Variants in THEMIS observed in about 807,000 individuals in gnomAD.
The protein encoded by THEMIS is protein THEMIS.
THEMIS carries 37 observed loss-of-function variants against 52.6 expected under a neutral mutation model. That is an observed-to-expected ratio of 0.70 (90% CI 0.54 to 0.93). The LOEUF (loss-of-function observed/expected upper bound fraction) is 0.93. Among genes scored for constraint, THEMIS ranks in the 40% least tolerant of loss-of-function variants. THEMIS has a pLI of 0.00. For missense variants in THEMIS, 808 were observed against 763.1 expected (o/e 1.06, Z -0.69); for synonymous variants, 292 against 272.7 (o/e 1.07, Z -0.70).
chr6:127,883,232 G>T (rs1223353804), intron 1 of THEMIS, among the ~76,000 whole-genome samples: 1 of 151,708 alleles, frequency 6.6e-6, no homozygotes, highest in Admixed American at 6.6e-5. Flanking sequence ...TTTCCTATAA[G>T]ATTTCTCATT....
At chr6:127,769,410 T>C (rs897367042) in intron 4 of THEMIS, among the ~76,000 whole-genome samples, 3 of 150,620 alleles carry the variant, frequency 2.0e-5, no homozygotes, top group Admixed American at 6.6e-5. Context: ...TGTCCTACAA[T>C]ATGTTCTTTG....
intron 2 of THEMIS, among the ~76,000 whole-genome samples, chr6:127,850,119 C>G (rs1347331354): frequency 6.6e-6 from 1 of 151,900 alleles, no homozygotes; most frequent in African/African-American, 2.4e-5. Flanking sequence ...CACATATGAA[C>G]AACAAACATA....
At chr6:127,777,314 A>G (rs1423850374) in intron 4 of THEMIS, among the ~76,000 whole-genome samples, 1 of 151,538 alleles carries the variant, frequency 6.6e-6, no homozygotes, top group Non-Finnish European at 1.5e-5. Flanking sequence ...TCATTTATCT[A>G]CTTTTAGAGG....
intron 1 of THEMIS, among the ~76,000 whole-genome samples, chr6:127,862,428 AT>A (rs71028110): frequency 0.24 from 17,631 of 72,808 alleles, 1,722 homozygotes; most frequent in East Asian, 0.4. Context: ...TAGGGAGTAA[AT>A]TTTTTTTTTT....
In THEMIS at chr6:127,813,153, G is replaced by C; in HGVS notation, c.1488C>G (p.Ala496=). 6.2e-7 allele frequency: 1 copy of C among 1,614,082 alleles called. No individual in the cohort carries two copies. Among genetic ancestry groups the C allele is most frequent in the Non-Finnish European group, 8.5e-7 (1 of 1,180,000 alleles). The part of the protein sequence containing the change: ...TDSYLLISDF[A]NPTECWEIPV... ...GAATTTCCCAGCACTCCGTGGGGTTGGCAAAGTCACTTATGAGTAGGTAAG... is the reference window on the plus strand; with the variant it reads ...GAATTTCCCAGCACTCCGTGGGGTTCGCAAAGTCACTTATGAGTAGGTAAG... The change falls in exon 4 of 6, where the codon GCC becomes GCG. Residue 496 remains alanine, a synonymous_variant. Transcript: ENST00000368248.
intron 4 of THEMIS, among the ~76,000 whole-genome samples, chr6:127,760,641 A>G (rs1775989864): frequency 6.6e-6 from 1 of 152,062 alleles, no homozygotes; most frequent in Admixed American, 6.6e-5. Flanking sequence ...AAAACTAGCC[A>G]GGCATGGTGG....
At chr6:127,712,831 G>T (rs1027170034) in intron 5 of THEMIS, among the ~76,000 whole-genome samples, 4 of 151,818 alleles carry the variant, frequency 2.6e-5, no homozygotes, top group African/African-American at 9.7e-5. Context: ...AATTACATGG[G>T]TAATTATTAG....
chr6:127,825,882 A>C (rs538376013), intron 3 of THEMIS, among the ~76,000 whole-genome samples: 1 of 152,210 alleles, frequency 6.6e-6, no homozygotes, highest in Non-Finnish European at 1.5e-5. Context: ...CAAGCAAAGA[A>C]AACGATAAGG....
intron 1 of THEMIS, among the ~76,000 whole-genome samples, chr6:127,913,701 T>A (rs927456259): frequency 2.0e-5 from 3 of 152,254 alleles, no homozygotes; most frequent in Non-Finnish European, 4.4e-5. Flanking sequence ...AAAGCATTAT[T>A]TAATCTGTAT....
intron 4 of THEMIS, among the ~76,000 whole-genome samples, chr6:127,782,934 A>C (rs575867475): frequency 3.3e-5 from 5 of 152,212 alleles, no homozygotes; most frequent in Non-Finnish European, 7.3e-5. Flanking sequence ...TAGCCAAAAC[A>C]ATCCTAAGCA....
intron 1 of THEMIS, among the ~76,000 whole-genome samples, chr6:127,879,529 T>C (rs1320558660): frequency 6.6e-6 from 1 of 151,462 alleles, no homozygotes; most frequent in East Asian, 1.9e-4. Context: ...TTCTTCTCTT[T>C]ATTGATAATG....
At chr6:127,779,975 T>C (rs1303647026) in intron 4 of THEMIS, among the ~76,000 whole-genome samples, 1 of 152,222 alleles carries the variant, frequency 6.6e-6, no homozygotes, top group Non-Finnish European at 1.5e-5. Context: ...GTCTTGTTGA[T>C]CTGTCTAATA....
chr6:127,846,374 A>T (rs1779214608), intron 2 of THEMIS, among the ~76,000 whole-genome samples: 1 of 151,996 alleles, frequency 6.6e-6, no homozygotes, highest in South Asian at 2.1e-4. Flanking sequence ...CAATCAATAG[A>T]AGCTGTTCCT....
chr6:127,870,225 G>A (rs1452426974), intron 1 of THEMIS, among the ~76,000 whole-genome samples: 1 of 152,268 alleles, frequency 6.6e-6, no homozygotes, highest in Admixed American at 6.5e-5. Context: ...GATGTAAGGG[G>A]TGGCCAAGAG....
chr6:127,789,263 T>C (rs562608401), intron 4 of THEMIS, among the ~76,000 whole-genome samples: 2 of 152,136 alleles, frequency 1.3e-5, no homozygotes, highest in Non-Finnish European at 2.9e-5. Flanking sequence ...GCAAATAAAC[T>C]AGAAAATCTA....
At chr6:127,741,568 G>A (rs747920142) in intron 4 of THEMIS, among the ~76,000 whole-genome samples, 7 of 152,180 alleles carry the variant, frequency 4.6e-5, no homozygotes, top group African/African-American at 1.2e-4. Context: ...AAATCCAGAC[G>A]CACAGCAGAA....
chr6:127,914,260 GCAGAT>G (rs1781472731), intron 1 of THEMIS, among the ~76,000 whole-genome samples: 1 of 152,138 alleles, frequency 6.6e-6, no homozygotes, highest in African/African-American at 2.4e-5. Flanking sequence ...TTTTGGATTT[GCAGAT>G]CAGAAATGCT....
chr6:127,832,777 CTTTTTT>C (rs11355741), intron 2 of THEMIS, among the ~76,000 whole-genome samples: 8 of 57,800 alleles, frequency 1.4e-4, no homozygotes, highest in African/African-American at 5.3e-4. Context: ...ATTGTCAGAT[CTTTTTT>C]TTTTTTTTTT....
At chr6:127,762,100 A>G (rs974604373) in intron 4 of THEMIS, among the ~76,000 whole-genome samples, 2 of 152,134 alleles carry the variant, frequency 1.3e-5, no homozygotes, top group African/African-American at 4.8e-5. Context: ...ATTCTGCAGT[A>G]TGTGACAACA....
Sources: allele counts gnomAD v4.1 joint callset (sites outside exome capture counted in the v4.1 genomes callset), GRCh38; gene constraint gnomAD v4.1.1; transcripts MANE v1.5; gene names NCBI Gene and HGNC (gene_info 2026-07-23, HGNC 2026-07-21).